The following NUP62CL variants were observed in gnomAD, a reference collection of about 807,000 sequenced individuals.
The protein encoded by NUP62CL is nucleoporin-62 C-terminal-like protein.
NUP62CL carries 13 observed loss-of-function variants against 15.3 expected under a neutral mutation model. The ratio of observed to expected loss-of-function variants is 0.85; its 90% CI spans 0.55 to 1.35. NUP62CL has a LOEUF of 1.35. Ranked by LOEUF, NUP62CL falls within the 40% of genes most tolerant of loss-of-function variation. The pLI is 0.00. For synonymous variants in NUP62CL, 54 were observed against 49.2 expected (o/e 1.10, Z -0.41); for missense variants, 123 against 130.6 (o/e 0.94, Z 0.28).
chrX:107,152,061 T>TATATATATATATATATATATATATTCAG (rs1569356997), intron 7 of NUP62CL, among the ~76,000 whole-genome samples: 4 of 69,244 alleles, frequency 5.8e-5, no homozygotes, highest in African/African-American at 2.9e-4. Flanking sequence ...TATATATATA[T>TATATATATATATATATATATATATTCAG]ATATATATAT....
chrX:107,130,110 C>T (rs368023318), intron 8 of NUP62CL, among the ~76,000 whole-genome samples: 104 of 111,442 alleles, frequency 9.3e-4, no homozygotes, highest in African/African-American at 3.2e-3. Context: ...AACAGTATTT[C>T]CAGAAAGAAT....
At chrX:107,198,016 G>A (rs1178809074) in intron 1 of NUP62CL, among the ~76,000 whole-genome samples, 2 of 112,531 alleles carry the variant, frequency 1.8e-5, no homozygotes, top group Non-Finnish European at 3.8e-5. Flanking sequence ...CACTGCTGGT[G>A]AAGAACTAAT....
At chrX:107,158,444 G>A (rs1243795654) in intron 4 of NUP62CL, among the ~76,000 whole-genome samples, 2 of 81,756 alleles carry the variant, frequency 2.4e-5, no homozygotes, top group Non-Finnish European at 2.1e-5. Flanking sequence ...AGACCACAGC[G>A]CAATCAAACT....
chrX:107,126,258 T>G (rs1232357648), intron 8 of NUP62CL, among the ~76,000 whole-genome samples: 1 of 112,284 alleles, frequency 8.9e-6, no homozygotes, highest in Non-Finnish European at 1.9e-5. Flanking sequence ...TGGAGATATA[T>G]TCCATGTTCA....
chrX:107,155,753 A>C (rs1396899826), intron 4 of NUP62CL, among the ~76,000 whole-genome samples: 1 of 112,720 alleles, frequency 8.9e-6, no homozygotes, highest in Admixed American at 9.3e-5. Context: ...AAAATTTTAA[A>C]AATTACCTAT....
Position 107,153,519 on chromosome X carries a change from T to C in NUP62CL, c.346-16A>G, listed in dbSNP as rs1243131800. 8.1e-6 allele frequency: 8 copies of C among 988,287 alleles called. No homozygotes were observed. In the African/African-American group the frequency reaches 1.2e-4, roughly 14 times the overall value. The allele number at this position is 988,287 out of a possible 1,213,427, so 81.4% of individuals were successfully genotyped here. A position where few individuals can be genotyped will look rare whatever the true frequency, so the allele number is the denominator to read the frequency against. ...AAATACGAATCTATAAAGAGAAATA[T>C]GAATACAACAATATAAGTATTTGAA... On this transcript the variant is annotated splice_polypyrimidine_tract_variant and intron_variant, in intron 5 of 8. Transcript: ENST00000372466.
intron 8 of NUP62CL, among the ~76,000 whole-genome samples, chrX:107,126,314 TTGA>T (rs1925386448): frequency 8.9e-6 from 1 of 112,238 alleles, no homozygotes; most frequent in Non-Finnish European, 1.9e-5. Flanking sequence ...TCTCCACAAG[TTGA>T]TCTACAGATT....
At chrX:107,136,422 G>T (rs1339404725) in intron 8 of NUP62CL, among the ~76,000 whole-genome samples, 1 of 111,969 alleles carries the variant, frequency 8.9e-6, no homozygotes, top group Non-Finnish European at 1.9e-5. Flanking sequence ...AATTCCATTT[G>T]TAACTTAAAA....
At chrX:107,154,829 A>G (rs1926136555) in intron 4 of NUP62CL, among the ~76,000 whole-genome samples, 2 of 111,732 alleles carry the variant, frequency 1.8e-5, no homozygotes. Flanking sequence ...GTAATCATCA[A>G]TTCCCTAAGT....
At chrX:107,164,538 T>G (rs1404945307) in intron 4 of NUP62CL, among the ~76,000 whole-genome samples, 1 of 111,162 alleles carries the variant, frequency 9.0e-6, no homozygotes, top group Non-Finnish European at 1.9e-5. Context: ...AGAAAATGAT[T>G]AATTAAACAA....
At chrX:107,132,822 C>T (rs1419368475) in intron 8 of NUP62CL, among the ~76,000 whole-genome samples, 8 of 111,677 alleles carry the variant, frequency 7.2e-5, no homozygotes, top group African/African-American at 2.3e-4. Flanking sequence ...CCTTTAAATT[C>T]GAGGTTTTAT....
chrX:107,169,444 A>G (rs1019540572), intron 3 of NUP62CL, among the ~76,000 whole-genome samples: 1 of 112,498 alleles, frequency 8.9e-6, no homozygotes, highest in African/African-American at 3.2e-5. Context: ...TGTCGTGGCA[A>G]TGACTTTACT....
chrX:107,203,814 G>A (rs1927544725), intron 1 of NUP62CL, among the ~76,000 whole-genome samples: 1 of 111,493 alleles, frequency 9.0e-6, no homozygotes, highest in Non-Finnish European at 1.9e-5. Flanking sequence ...TTATATTATG[G>A]TAGCAGAATT....
chrX:107,152,081 T>G (rs1444879901), intron 7 of NUP62CL, among the ~76,000 whole-genome samples: 1 of 70,744 alleles, frequency 1.4e-5, no homozygotes, highest in Admixed American at 1.9e-4. Context: ...TATATTCAGA[T>G]ATATATATAT....
At chrX:107,204,358 T>C (rs987118782) in intron 1 of NUP62CL, among the ~76,000 whole-genome samples, 1 of 111,490 alleles carries the variant, frequency 9.0e-6, no homozygotes, top group Non-Finnish European at 1.9e-5. Context: ...GCTTCTGTAT[T>C]TCCGACATTG....
intron 8 of NUP62CL, among the ~76,000 whole-genome samples, chrX:107,145,330 T>G (rs1439582158): frequency 9.0e-6 from 1 of 110,918 alleles, no homozygotes; most frequent in East Asian, 2.8e-4. Context: ...TAAAAGTAGT[T>G]AACTCTGGTT....
intron 8 of NUP62CL, among the ~76,000 whole-genome samples, chrX:107,131,232 T>C (rs1248771526): frequency 9.0e-6 from 1 of 110,964 alleles, no homozygotes. Context: ...GGGAAACTAG[T>C]GAAGAGAAAG....
At chrX:107,205,043 A>T (rs988205289) in intron 1 of NUP62CL, among the ~76,000 whole-genome samples, 3 of 110,855 alleles carry the variant, frequency 2.7e-5, no homozygotes, top group African/African-American at 6.5e-5. Context: ...TACATTTTTT[A>T]AAATGTAATG....
chrX:107,179,415 C>T (rs756162634), intron 2 of NUP62CL, among the ~76,000 whole-genome samples: 3 of 111,645 alleles, frequency 2.7e-5, no homozygotes, highest in Admixed American at 9.5e-5. Context: ...CCCCTACCCC[C>T]AACTCTCTCC....
Sources: allele counts gnomAD v4.1 joint callset (sites outside exome capture counted in the v4.1 genomes callset), GRCh38; gene constraint gnomAD v4.1.1; transcripts MANE v1.5; gene names NCBI Gene and HGNC (gene_info 2026-07-23, HGNC 2026-07-21).